The following VAV1 variants were observed in gnomAD, a reference collection of about 807,000 sequenced individuals.
VAV1 encodes vav guanine nucleotide exchange factor 1, also known as proto-oncogene vav.
Under a neutral mutation model 128.1 loss-of-function variants are expected in VAV1, and 33 were observed. The observed-to-expected ratio is 0.26, with a 90% CI of 0.20 to 0.34. The LOEUF (loss-of-function observed/expected upper bound fraction) is 0.34, where lower values mean the gene tolerates loss of function less well. VAV1 is among the 10% of genes least tolerant of loss of function. The pLI, the probability that VAV1 is intolerant of heterozygous loss-of-function variation, is 1.00. For missense variants in VAV1, 715 were observed against 1,093.7 expected, an observed-to-expected ratio of 0.65 and a Z score of 4.88; for synonymous variants, 394 against 409.8, an observed-to-expected ratio of 0.96 and a Z score of 0.47.
chr19:6,800,733 T>G (rs998506803), intron 1 of VAV1, among the ~76,000 whole-genome samples: 1 of 152,126 alleles, frequency 6.6e-6, no homozygotes, highest in Non-Finnish European at 1.5e-5. Context: ...GCGATTCTCC[T>G]GCCTCAGCCT....
At chr19:6,806,376 T>G (rs1291373117) in intron 1 of VAV1, among the ~76,000 whole-genome samples, 2 of 152,204 alleles carry the variant, frequency 1.3e-5, no homozygotes, top group Non-Finnish European at 2.9e-5. Flanking sequence ...TGAGCCACCA[T>G]GCACGGCCAA....
intron 22 of VAV1, among the ~76,000 whole-genome samples, chr19:6,845,568 A>G (rs1700724031): frequency 6.6e-6 from 1 of 151,416 alleles, no homozygotes; most frequent in Non-Finnish European, 1.5e-5. Flanking sequence ...TATAATTAAT[A>G]CTTATCATTT....
At position 6,854,048 on chromosome 19, in the gene VAV1, C is replaced by T; in HGVS notation, c.2434C>T (p.Leu812Phe). ...CAAGGAGGGTGACATCATCAAGATC[C>T]TTAACAAGAAGGGACAGCAAGGCTG... ...SLKEGDIIKI[L>F]NKKGQQGWWR... Residue 812 changes from leucine (L) to phenylalanine (F), a missense_variant, in exon 26 of 27, where the codon CTT (leucine) becomes TTT (phenylalanine). Coordinates refer to ENST00000602142, the MANE Select transcript of VAV1 (RefSeq NM_005428.4). The T allele has an allele frequency of 6.2e-7, 1 of 1,613,896 alleles. No individual in the cohort carries two copies. The highest frequency in any genetic ancestry group is 1.3e-5 in the African/African-American group (1 of 75,024).
intron 22 of VAV1, among the ~76,000 whole-genome samples, chr19:6,846,149 C>T (rs1270963607): frequency 1.3e-5 from 2 of 149,746 alleles, no homozygotes; most frequent in East Asian, 3.9e-4. Flanking sequence ...GATGTATTTA[C>T]ACTTATATAA....
intron 22 of VAV1, among the ~76,000 whole-genome samples, chr19:6,846,777 A>G (rs1365550882): frequency 6.8e-6 from 1 of 147,834 alleles, no homozygotes; most frequent in African/African-American, 2.5e-5. Context: ...TATCTATATT[A>G]ACATATAGCT....
chr19:6,821,737 C>T, intron 3 of VAV1, 54 bp from the exon 4 acceptor site: 3 of 1,613,592 alleles, frequency 1.9e-6, no homozygotes, highest in Non-Finnish European at 2.5e-6. Context: ...CTCCCTGAAG[C>T]CCCACTTCTA....
chr19:6,836,711 G>A, intron 20 of VAV1, 143 bp downstream of exon 20: 2 of 1,356,528 alleles, frequency 1.5e-6, no homozygotes, highest in Non-Finnish European at 2.0e-6. Context: ...TGAGACTTCT[G>A]GGCATGGCTT....
intron 15 of VAV1, among the ~76,000 whole-genome samples, chr19:6,832,668 CTCT>C (rs1568309818): frequency 2.0e-5 from 3 of 148,526 alleles, no homozygotes; most frequent in Non-Finnish European, 3.0e-5. Context: ...CCTCCTCCTC[CTCT>C]TCCTCCTCTT....
intron 1 of VAV1, among the ~76,000 whole-genome samples, chr19:6,789,252 CCTTT>C (rs1423537094): frequency 6.6e-6 from 1 of 151,302 alleles, no homozygotes; most frequent in Non-Finnish European, 1.5e-5. Flanking sequence ...CTTTCTCTCT[CCTTT>C]CTTCTTTTTT....
At chr19:6,846,067 TTTA>T (rs1242934251) in intron 22 of VAV1, among the ~76,000 whole-genome samples, 1 of 148,970 alleles carries the variant, frequency 6.7e-6, no homozygotes, top group Non-Finnish European at 1.5e-5. Flanking sequence ...ATAATTAATA[TTTA>T]TTATTTATAT....
chr19:6,833,723 C>T lies in VAV1; in HGVS notation c.1721C>T (p.Thr574Ile). 6.2e-7 allele frequency: 1 copy of T among 1,614,130 alleles called. No homozygotes were observed. Among genetic ancestry groups the T allele is most frequent in the Non-Finnish European group, 8.5e-7 (1 of 1,180,032 alleles). Residue 574 changes from threonine to isoleucine, a missense_variant, in exon 18 of 27, where the codon ACT (threonine) becomes ATT (isoleucine). This residue lies in a region of VAV1 where 407 missense variants were observed against 580.6 expected (regional missense o/e 0.70). Transcript: ENST00000602142. ...CGRHGQDFPG[T>I]MKKDKLHRRA... ...TACCCTCCCGTAGATTTCCCAGGAA[C>T]TATGAAGAAGGTAAGACTTTCCCGT...
chr19:6,788,836 T>C (rs1390086816), intron 1 of VAV1, among the ~76,000 whole-genome samples: 2 of 152,172 alleles, frequency 1.3e-5, no homozygotes, highest in East Asian at 3.9e-4. Context: ...CAGAGGAAAC[T>C]GAGGAACTGT....
Position 6,833,147 on chromosome 19 carries a change from CCTT to C in VAV1, c.1509-33_1509-31del, listed in dbSNP as rs776266336. 4.2e-5 allele frequency: 60 copies of C among 1,430,226 alleles called. No homozygotes were observed. The African/African-American group carries it at 4.2e-4, about 10-fold the overall frequency. 88.6% of individuals were successfully genotyped at this position (1,430,226 alleles called of 1,614,324 possible). A position where few individuals can be genotyped will look rare whatever the true frequency, so the allele number is the denominator to read the frequency against. On this transcript the variant is annotated intron_variant, in intron 15 of 26. Transcript: ENST00000602142. Reference sequence around the variant, plus strand: ...GCCATAAAAAGGAATAAAATACTGACCTTCTTTTTTTTTTTTTTTTAATTTTCC... The same window carrying C: ...GCCATAAAAAGGAATAAAATACTGACCTTTTTTTTTTTTTTTTAATTTTCC...
chr19:6,854,268 C>G (rs1476502137), intron 26 of VAV1, among the ~76,000 whole-genome samples, 170 bp downstream of exon 26: 1 of 152,204 alleles, frequency 6.6e-6, no homozygotes, highest in Non-Finnish European at 1.5e-5. Context: ...TGCAACCTAC[C>G]TGCATGTATT....
chr19:6,803,627 T>C (rs1971320545), intron 1 of VAV1, among the ~76,000 whole-genome samples: 1 of 152,096 alleles, frequency 6.6e-6, no homozygotes, highest in Non-Finnish European at 1.5e-5. Flanking sequence ...TGCAATGGTG[T>C]GGTCTCGGCT....
intron 22 of VAV1, among the ~76,000 whole-genome samples, chr19:6,845,788 T>C (rs1196969807): frequency 6.8e-6 from 1 of 148,068 alleles, no homozygotes. Context: ...TCTACAATTA[T>C]GTATAATATA....
chr19:6,848,166 C>A (rs775314955), intron 23 of VAV1, 52 bp downstream of exon 23: 34 of 1,486,812 alleles, frequency 2.3e-5, no homozygotes, highest in Non-Finnish European at 3.0e-5. Flanking sequence ...GCCCTGCGGG[C>A]CTGGGAAAAA....
At chr19:6,833,089 A>G in intron 15 of VAV1, 95 bp from the exon 16 acceptor site, 1 of 1,089,762 alleles carries the variant, frequency 9.2e-7, no homozygotes, top group Non-Finnish European at 1.3e-6. Context: ...GACACGCAAA[A>G]CGTGGTCTGT....
At chr19:6,790,104 G>A (rs1040269872) in intron 1 of VAV1, among the ~76,000 whole-genome samples, 66 of 152,318 alleles carry the variant, frequency 4.3e-4, no homozygotes, top group African/African-American at 1.5e-3. Context: ...CTTAAGCCCA[G>A]GAGGTGGAGG....
Sources: allele counts gnomAD v4.1 joint callset (sites outside exome capture counted in the v4.1 genomes callset), GRCh38; gene constraint gnomAD v4.1.1; regional missense constraint gnomAD v4.1.1; transcripts MANE v1.5; gene names NCBI Gene and HGNC (gene_info 2026-07-23, HGNC 2026-07-21).